Variants in SCLT1 observed in about 807,000 individuals in gnomAD.
The protein encoded by SCLT1 is sodium channel-associated protein 1.
A neutral mutation model predicts 112.8 loss-of-function variants in SCLT1; 78 were observed. That is an observed-to-expected ratio of 0.69 (90% CI 0.58 to 0.83). The LOEUF is 0.83. Among genes scored for constraint, SCLT1 ranks in the 40% least tolerant of loss-of-function variants. The pLI is 0.00. For missense variants in SCLT1, 747 were observed against 770.4 expected (o/e 0.97, Z 0.36); for synonymous variants, 257 against 254.7 (o/e 1.01, Z -0.09).
Position 128,970,417 on chromosome 4 carries a change from A to T in SCLT1, c.738T>A (p.Thr246=). The T allele has an allele frequency of 1.2e-6, 2 of 1,609,256 alleles. No individual in the cohort carries two copies. Among genetic ancestry groups the T allele is most frequent in the Non-Finnish European group, 8.5e-7 (1 of 1,176,142 alleles). Residue 246 remains threonine, a synonymous_variant, in exon 10 of 21, where the codon ACT becomes ACA. Transcript: ENST00000281142. The part of the protein sequence containing the change: ...RVAVAKVEEL[T]NVTEDLQGQM... Reference sequence around the variant, plus strand: ...GTCCCTGCAGATCTTCAGTCACATTAGTTAACTCTTCCACTTTTGCTACAG... The same window carrying T: ...GTCCCTGCAGATCTTCAGTCACATTTGTTAACTCTTCCACTTTTGCTACAG...
intron 5 of SCLT1, among the ~76,000 whole-genome samples, chr4:129,017,110 T>C (rs1745058368): frequency 6.6e-6 from 1 of 152,226 alleles, no homozygotes; most frequent in Non-Finnish European, 1.5e-5. Context: ...CAGGAGTTAC[T>C]TGAAAATATA....
At chr4:128,900,332 C>T (rs375912313) in intron 18 of SCLT1, among the ~76,000 whole-genome samples, 3 of 152,076 alleles carry the variant, frequency 2.0e-5, no homozygotes, top group African/African-American at 2.4e-5. Flanking sequence ...AACAGAGATA[C>T]AGACCAATGG....
chr4:128,953,577 G>A (rs138681723), intron 13 of SCLT1, among the ~76,000 whole-genome samples: 218 of 152,050 alleles, frequency 1.4e-3, no homozygotes, highest in Non-Finnish European at 2.4e-3. Context: ...GGCAGATCAC[G>A]AGGTCAGGAG....
At chr4:128,888,411 T>G (rs1226401831) in intron 20 of SCLT1, among the ~76,000 whole-genome samples, 4 of 152,100 alleles carry the variant, frequency 2.6e-5, no homozygotes, top group African/African-American at 9.7e-5. Context: ...AGAGAAAAGG[T>G]ATTGCCATGT....
intron 15 of SCLT1, among the ~76,000 whole-genome samples, chr4:128,948,214 T>C (rs1041402697): frequency 5.9e-5 from 9 of 151,476 alleles, no homozygotes. Context: ...CACACGCCTC[T>C]ATTCCCAGCT....
At chr4:129,073,857 A>T (rs1025512353) in intron 2 of SCLT1, among the ~76,000 whole-genome samples, 2 of 152,180 alleles carry the variant, frequency 1.3e-5, no homozygotes, top group African/African-American at 4.8e-5. Flanking sequence ...TGCCAAATAC[A>T]TTATATAAAC....
At chr4:128,916,504 A>G (rs1429592585) in intron 18 of SCLT1, among the ~76,000 whole-genome samples, 1 of 152,212 alleles carries the variant, frequency 6.6e-6, no homozygotes, top group Non-Finnish European at 1.5e-5. Context: ...GAGTAGATTT[A>G]CAGTTTCTAA....
intron 17 of SCLT1, among the ~76,000 whole-genome samples, chr4:128,939,815 G>A (rs1737528378): frequency 6.6e-6 from 1 of 152,012 alleles, no homozygotes; most frequent in South Asian, 2.1e-4. Context: ...TATCTTTTTG[G>A]CTTCTTTCAG....
intron 5 of SCLT1, among the ~76,000 whole-genome samples, chr4:129,022,470 A>T (rs1204948244): frequency 6.6e-6 from 1 of 152,254 alleles, no homozygotes; most frequent in Non-Finnish European, 1.5e-5. Flanking sequence ...ATGGAGCTGA[A>T]AAACACAGCA....
Position 129,023,619 on chromosome 4 carries a change from C to T in SCLT1, c.290+15422G>A, listed in dbSNP as rs928284798. On this transcript the variant is annotated intron_variant, in intron 5 of 20. Coordinates refer to ENST00000281142, the MANE Select transcript of SCLT1 (RefSeq NM_144643.4). ...CTCCCAGCGTGAGCAACGCAGAAAA[C>T]GGGTGATTTCTGCATTTCCATCTGA... 3.2e-4 allele frequency among the ~76,000 whole-genome samples: 48 copies of T among 152,260 alleles called. No homozygotes were observed. In the Middle Eastern group the frequency reaches 0.01, roughly 32 times the overall value.
At chr4:129,034,937 C>G (rs1747051055) in intron 5 of SCLT1, among the ~76,000 whole-genome samples, 1 of 152,102 alleles carries the variant, frequency 6.6e-6, no homozygotes. Context: ...GTAATTAAAT[C>G]TCTTTATCAG....
intron 5 of SCLT1, chr4:128,873,886 A>G (rs761208214): frequency 3.9e-5 from 6 of 152,678 alleles, no homozygotes; most frequent in Non-Finnish European, 8.8e-5. Flanking sequence ...ATTGAATCCC[A>G]TCTTGCTATG....
intron 1 of SCLT1, among the ~76,000 whole-genome samples, chr4:129,082,731 G>A (rs1487439601): frequency 2.0e-5 from 3 of 152,184 alleles, no homozygotes; most frequent in Admixed American, 6.5e-5. Flanking sequence ...GCATTGGGAA[G>A]ATAAGCTATA....
At chr4:128,927,297 G>C (rs573945504) in intron 18 of SCLT1, among the ~76,000 whole-genome samples, 1 of 152,132 alleles carries the variant, frequency 6.6e-6, no homozygotes, top group South Asian at 2.1e-4. Context: ...AAAATAATTT[G>C]AGGCCAATTA....
chr4:129,044,390 C>T (rs1046209109), intron 2 of SCLT1, among the ~76,000 whole-genome samples: 1 of 151,698 alleles, frequency 6.6e-6, no homozygotes, highest in Non-Finnish European at 1.5e-5. Context: ...TACCTAAAAA[C>T]TCAGTATAAT....
At chr4:128,889,878 T>A (rs1476304861) in intron 19 of SCLT1, among the ~76,000 whole-genome samples, 1 of 152,190 alleles carries the variant, frequency 6.6e-6, no homozygotes, top group Non-Finnish European at 1.5e-5. Context: ...AACTTATAGT[T>A]CCCATGTCCT....
At chr4:129,064,095 T>G (rs1401609461) in intron 2 of SCLT1, among the ~76,000 whole-genome samples, 1 of 152,184 alleles carries the variant, frequency 6.6e-6, no homozygotes, top group Non-Finnish European at 1.5e-5. Flanking sequence ...TGTGGGGAGA[T>G]GACAGTAGAT....
At chr4:129,046,819 T>A (rs767127081) in intron 2 of SCLT1, among the ~76,000 whole-genome samples, 19 of 152,124 alleles carry the variant, frequency 1.2e-4, no homozygotes, top group Non-Finnish European at 2.1e-4. Flanking sequence ...CACATCTTTG[T>A]CAACACTTGG....
chr4:129,029,346 C>T (rs1286789394), intron 5 of SCLT1, among the ~76,000 whole-genome samples: 1 of 151,964 alleles, frequency 6.6e-6, no homozygotes, highest in Non-Finnish European at 1.5e-5. Context: ...ACTATGCAGC[C>T]ATAAAAAATG....
Sources: allele counts gnomAD v4.1 joint callset (sites outside exome capture counted in the v4.1 genomes callset), GRCh38; gene constraint gnomAD v4.1.1; transcripts MANE v1.5; gene names NCBI Gene and HGNC (gene_info 2026-07-23, HGNC 2026-07-21).